The following CDK11B variants were observed in gnomAD, a reference collection of about 807,000 sequenced individuals.
CDK11B encodes the protein cyclin dependent kinase 11B, also known as cyclin-dependent kinase 11B.
CDK11B carries 37 observed loss-of-function variants against 84.0 expected under a neutral mutation model. The ratio of observed to expected loss-of-function variants is 0.44; its 90% CI spans 0.34 to 0.58. The LOEUF is 0.58. Ranked by LOEUF, CDK11B falls within the 20% of genes least tolerant of loss-of-function variation. The pLI, the probability that CDK11B is intolerant of heterozygous loss-of-function variation, is 0.02. For synonymous variants in CDK11B, 269 were observed against 309.8 expected, an observed-to-expected ratio of 0.87 and a Z score of 1.38; for missense variants, 427 against 834.0, an observed-to-expected ratio of 0.51 and a Z score of 6.01.
chr1:1,658,098 C>T (rs1643015874), intron 1 of CDK11B, among the ~76,000 whole-genome samples: 1 of 145,464 alleles, frequency 6.9e-6, no homozygotes, highest in African/African-American at 2.7e-5. Context: ...CGCTTGAATC[C>T]GAAAGGCGGA....
rs1557652895 is a variant in CDK11B, at chr1:1,636,379, G to A, written c.2020C>T (p.Arg674Cys). ...TGGTCTGAGAGCAGAGCCCCGAAGC[G>A]CTTGCGGAGGTTGTTGTAGGGGTGC... ...SEHPYNNLRK[R>C]FGALLSDQGF... The change falls in exon 18 of 20, where the codon CGC becomes TGC. Residue 674 changes from arginine to cysteine, a missense_variant. Physicochemically the swap from Arg to Cys is radical, Grantham distance 180. This residue lies in a region of CDK11B where 170 missense variants were observed against 196.0 expected (regional missense o/e 0.87). Coordinates refer to ENST00000341832, the MANE Select transcript of CDK11B (RefSeq NM_033486.3). The A allele has an allele frequency of 5.0e-6, 8 of 1,605,364 alleles. No homozygotes were observed. Among genetic ancestry groups the A allele is most frequent in the Middle Eastern group, 1.7e-4 (1 of 6,050 alleles).
In CDK11B at chr1:1,649,550, C is replaced by T; in HGVS notation, c.443G>A (p.Trp148Ter). 6.2e-7 allele frequency: 1 copy of T among 1,604,558 alleles called. No homozygotes were observed. The highest frequency in any genetic ancestry group is 8.5e-7 in the Non-Finnish European group (1 of 1,171,418). The change falls in exon 5 of 20, where the codon TGG becomes TAG. Residue 148 changes from tryptophan (W) to a stop codon, truncating the protein, a stop_gained. Transcript: ENST00000341832. LOFTEE classifies it high-confidence loss of function. ...REEQDKARRE[W>*]ERQKRREMAR... ...CATCTCCCTTCTCTTCTGTCTTTCC[C>T]ATTCCCGGCGAGCTTTATCCTGTTC...
chr1:1,654,142 C>T (rs777697238), intron 3 of CDK11B: 5 of 465,884 alleles, frequency 1.1e-5, no homozygotes, highest in South Asian at 4.6e-5. Flanking sequence ...ACCATTATAC[C>T]GTAATTTCTG....
At chr1:1,650,657 G>C (rs1279457465) in intron 4 of CDK11B, among the ~76,000 whole-genome samples, 1 of 135,400 alleles carries the variant, frequency 7.4e-6, no homozygotes, top group African/African-American at 2.8e-5. Context: ...GAGCCACCGC[G>C]CCCGGCCTTT....
Position 1,655,463 on chromosome 1 carries a change from G to A in CDK11B, c.133C>T (p.Arg45Trp), listed in dbSNP as rs1381635294. The A allele has an allele frequency of 6.8e-6, 11 of 1,610,370 alleles. No individual in the cohort carries two copies. Among genetic ancestry groups the A allele is most frequent in the Non-Finnish European group, 8.5e-6 (10 of 1,176,980 alleles). ...AGCTCCCCCTCCTCAAGGGAATCCC[G>A]CTTGGAATCCCGGTCATCAGACTAA... ...LKNSDDRDSK[R>W]DSLEEGELRD... The change falls in exon 3 of 20, where the codon CGG becomes TGG. Residue 45 changes from arginine (R) to tryptophan (W), a missense_variant. Arg to Trp is a moderately radical substitution (Grantham distance 101). Transcript: ENST00000341832.
At chr1:1,647,886 C>T (rs1641378149) in intron 5 of CDK11B, among the ~76,000 whole-genome samples, 1 of 152,226 alleles carries the variant, frequency 6.6e-6, no homozygotes, top group African/African-American at 2.4e-5. Context: ...GGTCCTGCAG[C>T]TGCCCTGTCC....
chr1:1,645,899 C>T (rs559388654), intron 5 of CDK11B: 1,335 of 349,444 alleles, frequency 3.8e-3, no homozygotes, highest in African/African-American at 0.026. Flanking sequence ...AGTGCAGTGG[C>T]GCAATCTCGG....
chr1:1,637,266 C>T (rs900445264), intron 14 of CDK11B, 64 bp from the exon 15 acceptor site: 1 of 1,593,288 alleles, frequency 6.3e-7, no homozygotes, highest in Non-Finnish European at 8.5e-7. Flanking sequence ...TCAGGGTGGC[C>T]CACTCGCCTC....
chr1:1,652,483 T>C lies in CDK11B; in HGVS notation c.311A>G (p.Lys104Arg). 1.3e-6 allele frequency: 2 copies of C among 1,508,932 alleles called. No homozygotes were observed. The highest frequency in any genetic ancestry group is 2.8e-5 in the South Asian group (2 of 72,474). The allele number at this position is 1,508,932 out of a possible 1,614,324, so 93.5% of individuals were successfully genotyped here. Reference sequence around the variant, plus strand: ...ACGATGCCTACGTTTCTCTTTTCTCTTTTCATCTTTTCTGTGATGAGCTTT... The same window carrying C: ...ACGATGCCTACGTTTCTCTTTTCTCCTTTCATCTTTTCTGTGATGAGCTTT... ...KEKAHHRKDE[K>R]RKEKRRHRSH... The change falls in exon 4 of 20, where the codon AAG becomes AGG. Residue 104 changes from lysine (K) to arginine (R), a missense_variant. By Grantham distance (26) the Lys-to-Arg change is conservative (BLOSUM62 2). Transcript: ENST00000341832.
intron 4 of CDK11B, among the ~76,000 whole-genome samples, chr1:1,650,704 C>G (rs1304174360): frequency 7.2e-6 from 1 of 139,152 alleles, no homozygotes; most frequent in African/African-American, 2.7e-5. Context: ...GACAGGGTCT[C>G]GCTATATTGG....
chr1:1,654,172 C>G (rs759158713), intron 3 of CDK11B: 13 of 463,740 alleles, frequency 2.8e-5, no homozygotes, highest in Middle Eastern at 3.2e-4. Context: ...CCTTTAATTA[C>G]TAATACCTGA....
intron 4 of CDK11B, among the ~76,000 whole-genome samples, chr1:1,651,991 G>A (rs1418795894): frequency 6.8e-6 from 1 of 146,476 alleles, no homozygotes; most frequent in Admixed American, 6.8e-5. Flanking sequence ...AATGGTCTGT[G>A]ACACACGCGT....
At chr1:1,643,854 C>T (rs1291697993) in intron 6 of CDK11B, among the ~76,000 whole-genome samples, 401 of 143,248 alleles carry the variant, frequency 2.8e-3, no homozygotes, top group Non-Finnish European at 4.5e-3. Context: ...CAGTGCTGAG[C>T]GGCCTCGGGG....
At chr1:1,647,594 C>T (rs1360819498) in intron 5 of CDK11B, among the ~76,000 whole-genome samples, 5 of 152,234 alleles carry the variant, frequency 3.3e-5, no homozygotes, top group Non-Finnish European at 7.3e-5. Context: ...GCACACTGAA[C>T]GTTCACGCGT....
chr1:1,654,088 C>A (rs1347498237), intron 3 of CDK11B: 3 of 443,416 alleles, frequency 6.8e-6, no homozygotes, highest in Admixed American at 5.4e-5. Context: ...ATTTCTGTAT[C>A]ACCAAAATTC....
intron 3 of CDK11B, among the ~76,000 whole-genome samples, chr1:1,653,578 C>G (rs1308807962): frequency 6.6e-6 from 1 of 151,974 alleles, no homozygotes; most frequent in African/African-American, 2.4e-5. Context: ...GCCTCAGTCT[C>G]TCAAAGTGTT....
rs1639533613 is a variant in CDK11B, at chr1:1,637,417, AG to A, written c.1560del (p.Phe521SerfsTer6). 6.2e-7 allele frequency: 1 copy of A among 1,613,572 alleles called. No individual in the cohort carries two copies. Among genetic ancestry groups the A allele is most frequent in the Non-Finnish European group, 8.5e-7 (1 of 1,179,720 alleles). ...TGGGGCGCGGCTGTACCTGGCAGGA[AG>A]GGCTGTTTCATGGTCTCCATCAGGC... ...LKSLMETMKQ[P>X]FLPGEVKTLM... On this transcript the variant is annotated frameshift_variant, in exon 14 of 20. Coordinates refer to ENST00000341832, the MANE Select transcript of CDK11B (RefSeq NM_033486.3). LOFTEE classifies it high-confidence loss of function.
chr1:1,649,284 G>T (rs1309981928), intron 5 of CDK11B, among the ~76,000 whole-genome samples: 1 of 151,926 alleles, frequency 6.6e-6, no homozygotes, highest in African/African-American at 2.4e-5. Context: ...TATTTTTTTA[G>T]TAGAGACGGG....
intron 9 of CDK11B, among the ~76,000 whole-genome samples, chr1:1,641,434 G>A (rs1380304945): frequency 2.0e-5 from 3 of 147,200 alleles, no homozygotes; most frequent in East Asian, 2.0e-4. Context: ...ACTTGAACCC[G>A]GGAGGCAGAG....
Sources: allele counts gnomAD v4.1 joint callset (sites outside exome capture counted in the v4.1 genomes callset), GRCh38; gene constraint gnomAD v4.1.1; regional missense constraint gnomAD v4.1.1; transcripts MANE v1.5; gene names NCBI Gene and HGNC (gene_info 2026-07-23, HGNC 2026-07-21).